Variants in ESRRA observed in about 807,000 individuals in gnomAD.
ESRRA encodes estrogen related receptor alpha, also known as steroid hormone receptor ERR1.
A neutral mutation model predicts 35.6 loss-of-function variants in ESRRA; 7 were observed. The observed-to-expected ratio is 0.20, with a 90% CI of 0.11 to 0.37. The LOEUF is 0.37. Ranked by LOEUF, ESRRA falls within the 10% of genes least tolerant of loss-of-function variation. The probability of loss-of-function intolerance (pLI) is 1.00; values close to 1 mark genes in which losing one functional copy is unlikely to be tolerated. For synonymous variants in ESRRA, 223 were observed against 246.9 expected (o/e 0.90, Z 0.91); for missense variants, 378 against 561.7 (o/e 0.67, Z 3.31).
intron 2 of ESRRA, among the ~76,000 whole-genome samples, chr11:64,310,603 C>T (rs543092868): frequency 1.3e-4 from 16 of 126,200 alleles, no homozygotes; most frequent in Middle Eastern, 7.5e-3. Context: ...TGGAGTGCAA[C>T]GGCCTGCAGT....
At position 64,315,219 on chromosome 11, in the gene ESRRA, C is replaced by T; in HGVS notation, c.961C>T (p.Leu321=). 1 of 1,607,980 alleles carries T rather than the reference C, an allele frequency of 6.2e-7. No individual in the cohort carries two copies. The highest frequency in any genetic ancestry group is 8.5e-7 in the Non-Finnish European group (1 of 1,176,466). ...AGTGCGGCGGCTGCAGGCCCTGCGG[C>T]TGGAGCGAGAGGAGTATGTTCTACT... The part of the protein sequence containing the change: ...QLVRRLQALR[L]EREEYVLLKA... Residue 321 remains leucine, a synonymous_variant, in exon 6 of 7, where the codon CTG becomes TTG. Coordinates refer to ENST00000000442, the MANE Select transcript of ESRRA (RefSeq NM_004451.5).
intron 2 of ESRRA, among the ~76,000 whole-genome samples, chr11:64,308,917 C>T (rs2035087822): frequency 6.6e-6 from 1 of 150,724 alleles, no homozygotes; most frequent in African/African-American, 2.4e-5. Context: ...GAGTTTGAGA[C>T]CAGCCTGACC....
In ESRRA at chr11:64,307,229, C is replaced by T. The variant is rs770105556; in HGVS notation, c.50C>T (p.Pro17Leu). ...GIEPLYIKAE[P>L]ASPDSPKGSS... The stretch of plus-strand genomic sequence containing the variant: ...GAGCCTCTCTACATCAAGGCAGAGC[C>T]GGCCAGCCCTGACAGTCCAAAGGGT... The change falls in exon 2 of 7, where the codon CCG becomes CTG. Residue 17 changes from proline (P) to leucine (L), a missense_variant. Transcript: ENST00000000442. The T allele has an allele frequency of 2.1e-5, 34 of 1,609,962 alleles. No homozygotes were observed. The highest frequency in any genetic ancestry group is 1.7e-4 in the Middle Eastern group (1 of 5,994).
At chr11:64,307,100 G>A (rs913243387) in intron 1 of ESRRA, 68 bp from the exon 2 acceptor site, 8 of 1,368,632 alleles carry the variant, frequency 5.8e-6, no homozygotes, top group African/African-American at 2.9e-5. Context: ...TGGGCAACCC[G>A]TGTGGCAGGG....
chr11:64,307,836 A>G (rs944307318), intron 2 of ESRRA, among the ~76,000 whole-genome samples: 1 of 152,004 alleles, frequency 6.6e-6, no homozygotes, highest in African/African-American at 2.4e-5. Context: ...TCTCCCCAGC[A>G]TAGAACATGT....
chr11:64,315,547 C>T (rs1228429636), intron 6 of ESRRA, among the ~76,000 whole-genome samples, 160 bp from the exon 7 acceptor site: 1 of 152,192 alleles, frequency 6.6e-6, no homozygotes, highest in Non-Finnish European at 1.5e-5. Flanking sequence ...GGGTGGGGTC[C>T]TGGCCCACGA....
chr11:64,309,249 A>G (rs967047897), intron 2 of ESRRA, among the ~76,000 whole-genome samples: 2 of 151,728 alleles, frequency 1.3e-5, no homozygotes, highest in African/African-American at 2.4e-5. Context: ...CCTGGCCAAC[A>G]TGGTAAAACC....
At chr11:64,315,562 C>A in intron 6 of ESRRA, 145 bp from the exon 7 acceptor site, 2 of 1,206,014 alleles carry the variant, frequency 1.7e-6, no homozygotes, top group Non-Finnish European at 2.4e-6. Context: ...CCACGAGCCG[C>A]AGCAATGAGT....
intron 2 of ESRRA, among the ~76,000 whole-genome samples, chr11:64,309,761 G>A (rs991665283): frequency 6.6e-6 from 1 of 151,594 alleles, no homozygotes; most frequent in African/African-American, 2.4e-5. Context: ...GTGAAACCCT[G>A]TCTGTACTAG....
In ESRRA at chr11:64,314,074, G is replaced by A. The variant is rs1270424192; in HGVS notation, c.442+7G>A. ...GTGGGCATGCTCAAGGAGGGTGAGC[G>A]CTGGGCAGGGGCTGGGCGAGGGCTG... is the stretch of plus-strand genomic sequence containing the variant. On this transcript the variant is annotated splice_region_variant and intron_variant, in intron 3 of 6. Coordinates refer to ENST00000000442, the MANE Select transcript of ESRRA (RefSeq NM_004451.5). 3.8e-6 allele frequency: 6 copies of A among 1,581,910 alleles called. No individual in the cohort carries two copies. Among genetic ancestry groups the A allele is most frequent in the African/African-American group, 2.7e-5 (2 of 74,462 alleles).
chr11:64,315,511 C>T (rs975834866), intron 6 of ESRRA, among the ~76,000 whole-genome samples, 196 bp from the exon 7 acceptor site: 1 of 152,134 alleles, frequency 6.6e-6, no homozygotes, highest in Non-Finnish European at 1.5e-5. Context: ...GGGGAGGGTA[C>T]AAGGTGGCCA....
intron 2 of ESRRA, among the ~76,000 whole-genome samples, chr11:64,308,361 A>G (rs1055746144): frequency 6.6e-6 from 1 of 151,734 alleles, no homozygotes; most frequent in Non-Finnish European, 1.5e-5. Flanking sequence ...CTAAAAATGC[A>G]AAAAATTAGC....
rs994879790 is a variant in ESRRA at position 64,309,956 on chromosome 11, C to G, written c.325+2452C>G. Among the ~76,000 whole-genome samples the G allele has an allele frequency of 3.2e-4, 47 of 147,374 alleles. 3 individuals are homozygous for G. In the South Asian group the frequency reaches 0.01, roughly 32 times the overall value. Reference sequence around the variant, plus strand: ...TCAAAAAAAAAAAAAAAAAAAAAATCTTGAGTGCTTACCTTGTGCTAGGCA... The same window carrying G: ...TCAAAAAAAAAAAAAAAAAAAAAATGTTGAGTGCTTACCTTGTGCTAGGCA... On this transcript the variant is annotated intron_variant, in intron 2 of 6. Coordinates refer to ENST00000000442, the MANE Select transcript of ESRRA (RefSeq NM_004451.5).
At chr11:64,311,577 G>A (rs1313748421) in intron 2 of ESRRA, among the ~76,000 whole-genome samples, 1 of 151,224 alleles carries the variant, frequency 6.6e-6, no homozygotes, top group African/African-American at 2.4e-5. Context: ...CACCACGCAC[G>A]GCTAATTTTG....
chr11:64,316,644 G>C lies in ESRRA; in HGVS notation c.*678G>C. On this transcript the variant is annotated 3_prime_UTR_variant, in exon 7 of 7. Coordinates refer to ENST00000000442, the MANE Select transcript of ESRRA (RefSeq NM_004451.5). ...AAGCCAGGGCCCAGAGCCCTTGGCT[G>C]TACAGAGACTCTATTTTAATGTATA... 2 of 555,536 alleles carry C rather than the reference G, an allele frequency of 3.6e-6. No individual in the cohort carries two copies. The highest frequency in any genetic ancestry group is 6.4e-5 in the East Asian group (2 of 31,150). The allele number at this position is 555,536 out of a possible 1,614,324, so 34.4% of individuals were successfully genotyped here. A position where few individuals can be genotyped will look rare whatever the true frequency, so the allele number is the denominator to read the frequency against.
Position 64,315,055 on chromosome 11 carries a change from TG to T in ESRRA, c.799del (p.Glu267ArgfsTer24). On this transcript the variant is annotated frameshift_variant, in exon 6 of 7. Coordinates refer to ENST00000000442, the MANE Select transcript of ESRRA (RefSeq NM_004451.5). LOFTEE classifies it high-confidence loss of function. Reference sequence around the variant, plus strand: ...ATGTCAGTACTGCAGAGCGTGTGGATGGAGGTGCTGGTGCTGGGTGTGGCCC... The same window carrying T: ...ATGTCAGTACTGCAGAGCGTGTGGATGAGGTGCTGGTGCTGGGTGTGGCCC... Reference protein sequence around the residue: ...DQMSVLQSVWMEVLVLGVAQR... With the variant: ...DQMSVLQSVWXEVLVLGVAQR... 6.2e-7 allele frequency: 1 copy of T among 1,610,078 alleles called. No homozygotes were observed.
In ESRRA at chr11:64,315,495, G is replaced by A. The variant is rs181128020; in HGVS notation, c.1013-212G>A. Reference sequence around the variant, plus strand: ...TGCAGAAAGGTCATTTAGTGGGAGGGAAGGTGGGGAGGGTACAAGGTGGCC... The same window carrying A: ...TGCAGAAAGGTCATTTAGTGGGAGGAAAGGTGGGGAGGGTACAAGGTGGCC... On this transcript the variant is annotated intron_variant, in intron 6 of 6. Coordinates refer to ENST00000000442, the MANE Select transcript of ESRRA (RefSeq NM_004451.5). Among the ~76,000 whole-genome samples, 194 of 152,342 alleles carry A rather than the reference G, an allele frequency of 1.3e-3. 1 individual carries two copies. In the South Asian group the frequency reaches 0.024, roughly 19 times the overall value.
At chr11:64,314,649 A>G in intron 4 of ESRRA, 92 bp from the exon 5 acceptor site, 1 of 1,281,222 alleles carries the variant, frequency 7.8e-7, no homozygotes, top group Non-Finnish European at 1.1e-6. Flanking sequence ...CTACTGAGGA[A>G]GGCCACAGGG....
rs2035183592 is a variant in ESRRA at position 64,313,646 on chromosome 11, CT to C, written c.326-304del. On this transcript the variant is annotated intron_variant, in intron 2 of 6. Coordinates refer to ENST00000000442, the MANE Select transcript of ESRRA (RefSeq NM_004451.5). This position sits in a 1 kb window ranked among gnomAD's most constrained non-coding sequence, Gnocchi z 4.0. ...TAACATGAGGACTAAGAATTGACCA[CT>C]GGATTTAGCAATGCAGAGGTCCTTG... 1 of 306,332 alleles carries C rather than the reference CT, an allele frequency of 3.3e-6. No individual in the cohort carries two copies. Among genetic ancestry groups the C allele is most frequent in the Non-Finnish European group, 6.0e-6 (1 of 166,006 alleles). 19.0% of individuals were successfully genotyped at this position (306,332 alleles called of 1,614,324 possible).
Sources: allele counts gnomAD v4.1 joint callset (sites outside exome capture counted in the v4.1 genomes callset), GRCh38; gene constraint gnomAD v4.1.1; non-coding constraint Gnocchi (gnomAD v3.1); transcripts MANE v1.5; gene names NCBI Gene and HGNC (gene_info 2026-07-23, HGNC 2026-07-21).